CYRIB: variants seen among roughly 807,000 people sequenced by gnomAD.
CYRIB encodes CYFIP related Rac1 interactor B.
Under a neutral mutation model 44.2 loss-of-function variants are expected in CYRIB, and 8 were observed. The observed-to-expected ratio is 0.18, with a 90% CI of 0.11 to 0.33. The LOEUF is 0.33. Ranked by LOEUF, CYRIB falls within the 10% of genes least tolerant of loss-of-function variation. CYRIB has a pLI of 1.00. For missense variants in CYRIB, 185 were observed against 382.8 expected (o/e 0.48, Z 4.31); for synonymous variants, 131 against 127.2 (o/e 1.03, Z -0.20).
intron 2 of CYRIB, among the ~76,000 whole-genome samples, chr8:129,901,315 C>A (rs1766989081): frequency 1.3e-5 from 2 of 152,010 alleles, no homozygotes; most frequent in Admixed American, 6.5e-5. Flanking sequence ...CTTCCAGGTT[C>A]AAGTGATTCT....
chr8:129,899,634 G>T (rs1030396969), intron 2 of CYRIB, among the ~76,000 whole-genome samples: 1 of 152,136 alleles, frequency 6.6e-6, no homozygotes, highest in Admixed American at 6.5e-5. Context: ...GTTTATTTCA[G>T]AACAGAGCAT....
chr8:129,922,389 A>G (rs964212816), intron 1 of CYRIB, among the ~76,000 whole-genome samples: 1 of 152,262 alleles, frequency 6.6e-6, no homozygotes, highest in African/African-American at 2.4e-5. Flanking sequence ...ATAACTCTAA[A>G]GTATAAATAC....
intron 1 of CYRIB, among the ~76,000 whole-genome samples, chr8:130,005,115 T>C (rs76780811): frequency 0.018 from 2,663 of 151,948 alleles, 95 homozygotes; most frequent in African/African-American, 0.06. Flanking sequence ...ACTTCTGAAC[T>C]TCACAGAATT....
intron 2 of CYRIB, among the ~76,000 whole-genome samples, chr8:129,962,905 C>G (rs1448972335): frequency 2.0e-5 from 3 of 152,234 alleles, no homozygotes; most frequent in Admixed American, 1.3e-4. Context: ...TTCCCTCATT[C>G]TCAGTCTCTG....
intron 4 of CYRIB, among the ~76,000 whole-genome samples, chr8:129,866,520 A>G (rs567457919): frequency 6.6e-6 from 1 of 152,200 alleles, no homozygotes; most frequent in African/African-American, 2.4e-5. Context: ...AATAACTTAA[A>G]TCACACATTT....
At chr8:129,965,977 G>A (rs550305485) in intron 2 of CYRIB, among the ~76,000 whole-genome samples, 5 of 151,962 alleles carry the variant, frequency 3.3e-5, no homozygotes, top group South Asian at 2.1e-4. Flanking sequence ...TCGGCTTCCC[G>A]AGTAACTGGG....
intron 1 of CYRIB, among the ~76,000 whole-genome samples, chr8:130,009,295 T>A (rs538478782): frequency 6.1e-4 from 93 of 151,916 alleles, no homozygotes; most frequent in African/African-American, 2.2e-3. Context: ...GAGACAGAGT[T>A]TCCCTCTTGT....
chr8:129,893,696 CTTTTTAAAAAAATT>C (rs984319370), intron 2 of CYRIB, among the ~76,000 whole-genome samples: 1 of 152,074 alleles, frequency 6.6e-6, no homozygotes, highest in African/African-American at 2.4e-5. Context: ...TAATTAGTAT[CTTTTTAAAAAAATT>C]ATTAGATAGA....
chr8:129,852,340 T>C lies in CYRIB; in HGVS notation c.517-62A>G, dbSNP rs150184676. ...AAATTATTACATATAATAACAATTA[T>C]ACAAGGACCCAGGCAGGGTGCCTGC... On this transcript the variant is annotated intron_variant, in intron 7 of 11. Transcript: ENST00000519824. The C allele has an allele frequency of 3.3e-3, 3,407 of 1,044,918 alleles. 70 individuals are homozygous for C. In the African/African-American group the frequency reaches 0.047, roughly 15 times the overall value. 64.7% of individuals were successfully genotyped at this position (1,044,918 alleles called of 1,614,324 possible).
chr8:129,948,065 C>G (rs1433913294), intron 2 of CYRIB: 3 of 152,172 alleles, frequency 2.0e-5, no homozygotes, highest in African/African-American at 7.2e-5. Context: ...ACTGTATTCC[C>G]CACCGCCCAT....
At chr8:129,884,297 A>AT (rs779082061) in intron 2 of CYRIB, among the ~76,000 whole-genome samples, 18 of 151,914 alleles carry the variant, frequency 1.2e-4, no homozygotes, top group East Asian at 1.9e-4. Flanking sequence ...AGGATTTAAG[A>AT]TTTTTTTTGA....
chr8:129,852,149 AG>A lies in CYRIB; in HGVS notation c.633+12del. ...AAATAACAACACAGAGTACCTGCCTAGGCAATGCTTACCTCTGATACAAATT... is the reference window on the plus strand; with the variant it reads ...AAATAACAACACAGAGTACCTGCCTAGCAATGCTTACCTCTGATACAAATT... On this transcript the variant is annotated intron_variant, in intron 8 of 11. Transcript: ENST00000519824. 6.7e-7 allele frequency: 1 copy of A among 1,493,626 alleles called. No homozygotes were observed. The highest frequency in any genetic ancestry group is 1.3e-5 in the South Asian group (1 of 78,094). The allele number at this position is 1,493,626 out of a possible 1,614,324, so 92.5% of individuals were successfully genotyped here. A position where few individuals can be genotyped will look rare whatever the true frequency, so the allele number is the denominator to read the frequency against.
At chr8:129,857,977 A>G (rs564586568) in intron 5 of CYRIB, among the ~76,000 whole-genome samples, 2 of 152,334 alleles carry the variant, frequency 1.3e-5, no homozygotes, top group Non-Finnish European at 2.9e-5. Flanking sequence ...ATGGTCAGTG[A>G]CCAGTAGTTG....
chr8:129,851,142 G>A (rs1006508533), intron 8 of CYRIB: 24 of 500,256 alleles, frequency 4.8e-5, no homozygotes, highest in African/African-American at 4.5e-4. Context: ...CTGCATTCCA[G>A]CAATGTAAGA....
rs146051800 is a variant in CYRIB at position 129,880,318 on chromosome 8, T to G, written c.-10-847A>C. 9.0e-5 allele frequency: 79 copies of G among 873,092 alleles called. No individual in the cohort carries two copies. The East Asian group carries it at 5.9e-3, about 65-fold the overall frequency. 54.1% of individuals were successfully genotyped at this position (873,092 alleles called of 1,614,324 possible). A position where few individuals can be genotyped will look rare whatever the true frequency, so the allele number is the denominator to read the frequency against. On this transcript the variant is annotated intron_variant, in intron 2 of 11. Transcript: ENST00000519824. The stretch of plus-strand genomic sequence containing the variant: ...TGGCTGGCCTTCACTGTGGTGAGTA[T>G]AATTCATCTTTCACCTTTACCATTA...
At chr8:129,877,688 GT>G (rs2059596804) in intron 3 of CYRIB, among the ~76,000 whole-genome samples, 2 of 149,376 alleles carry the variant, frequency 1.3e-5, no homozygotes, top group African/African-American at 2.5e-5. Context: ...GTGTGTGTGT[GT>G]GTGTGTGTAT....
intron 7 of CYRIB, among the ~76,000 whole-genome samples, chr8:129,852,539 T>C (rs750341648): frequency 5.9e-5 from 9 of 152,236 alleles, no homozygotes; most frequent in Non-Finnish European, 1.0e-4. Flanking sequence ...CTAAATGTTA[T>C]GGAGGACAGA....
intron 1 of CYRIB, among the ~76,000 whole-genome samples, chr8:129,918,018 G>A (rs532582139): frequency 2.0e-5 from 3 of 152,112 alleles, no homozygotes; most frequent in East Asian, 1.9e-4. Flanking sequence ...ACCCTAACTC[G>A]TATTACTTCA....
intron 6 of CYRIB, 108 bp from the exon 9 acceptor site, chr8:129,854,451 TA>T (rs1289169898): frequency 4.1e-6 from 3 of 730,978 alleles, no homozygotes; most frequent in Non-Finnish European, 6.6e-6. Flanking sequence ...CCATAATTCA[TA>T]GTATCATTTT....
Sources: allele counts gnomAD v4.1 joint callset (sites outside exome capture counted in the v4.1 genomes callset), GRCh38; gene constraint gnomAD v4.1.1; transcripts MANE v1.5; gene names NCBI Gene and HGNC (gene_info 2026-07-23, HGNC 2026-07-21).